Variants in MYO16 observed in about 807,000 individuals in gnomAD.
The protein encoded by MYO16 is unconventional myosin-XVI.
MYO16 carries 94 observed loss-of-function variants against 205.3 expected under a neutral mutation model. The observed-to-expected ratio is 0.46, with a 90% CI of 0.39 to 0.54. The LOEUF is 0.54. Ranked by LOEUF, MYO16 falls within the 20% of genes least tolerant of loss-of-function variation. The pLI, the probability that MYO16 is intolerant of heterozygous loss-of-function variation, is 0.00. For synonymous variants in MYO16, 988 were observed against 954.0 expected (o/e 1.04, Z -0.66); for missense variants, 2,315 against 2,387.5 (o/e 0.97, Z 0.63).
intron 6 of MYO16, among the ~76,000 whole-genome samples, chr13:108,802,862 T>A (rs1887006759): frequency 6.6e-6 from 1 of 152,210 alleles, no homozygotes; most frequent in Non-Finnish European, 1.5e-5. Flanking sequence ...TAGCCAATTG[T>A]ATATCTTCTT....
the MYO16 span, among the ~76,000 whole-genome samples, chr13:108,508,649 C>T: frequency 6.6e-6 from 1 of 152,134 alleles, no homozygotes; most frequent in South Asian, 2.1e-4. Flanking sequence ...GAGAGAGAAG[C>T]TATGAGTTGA....
the MYO16 span, among the ~76,000 whole-genome samples, chr13:108,579,529 C>T: frequency 2.0e-5 from 3 of 151,532 alleles, no homozygotes; most frequent in Admixed American, 6.6e-5. Context: ...CAACCTCTGC[C>T]TTCCGGGTTC....
intron 20 of MYO16, among the ~76,000 whole-genome samples, chr13:108,980,104 A>AT (rs1227090904): frequency 1.3e-5 from 2 of 152,262 alleles, no homozygotes; most frequent in East Asian, 3.9e-4. Context: ...AGAATATGTC[A>AT]TTTTTTATAT....
chr13:109,024,338 G>A (rs768939222), intron 23 of MYO16, among the ~76,000 whole-genome samples: 7 of 151,848 alleles, frequency 4.6e-5, no homozygotes, highest in African/African-American at 9.7e-5. Flanking sequence ...GACTGTAAGC[G>A]GATATGTACT....
rs561166160 is a variant in MYO16 at position 109,140,423 on chromosome 13, C to T, written c.4211C>T (p.Ala1404Val). ...GCGAGGCCCGCGGGCGCCCCGGGGG[C>T]AGCAGCGCGCGTTCTGACCCCCGGG... is the stretch of plus-strand genomic sequence containing the variant. ...GDARPAGAPG[A>V]AARVLTPGTP... Residue 1404 changes from alanine to valine, a missense_variant, in exon 32 of 35, where the codon GCA (alanine) becomes GTA (valine). This residue lies in a region of MYO16 where 1,097 missense variants were observed against 1,092.0 expected (regional missense o/e 1.00). Transcript: ENST00000457511. This position sits in a 1 kb window ranked among gnomAD's most constrained non-coding sequence, Gnocchi z 8.0. 500 of 1,567,198 alleles carry T rather than the reference C, an allele frequency of 3.2e-4. 3 individuals are homozygous for T. The Middle Eastern group carries it at 9.2e-3, about 29-fold the overall frequency.
rs533798628 is a variant in MYO16, at chr13:109,131,525, AC to A, written c.4051+3976del. Among the ~76,000 whole-genome samples the A allele has an allele frequency of 2.0e-3, 304 of 152,222 alleles. 2 individuals carry two copies. Among genetic ancestry groups the A allele is most frequent in the African/African-American group, 7.1e-3 (293 of 41,522 alleles). ...GCAAACTACCAGCAAGCTAGAGACA[AC>A]TTTTTTTTTTATTATACTTTAAGTT... is the stretch of plus-strand genomic sequence containing the variant. On this transcript the variant is annotated intron_variant, in intron 31 of 34. Coordinates refer to ENST00000457511, the MANE Select transcript of MYO16 (RefSeq NM_001198950.3).
intron 2 of MYO16, among the ~76,000 whole-genome samples, chr13:108,685,633 T>C (rs1882647806): frequency 6.6e-6 from 1 of 152,182 alleles, no homozygotes; most frequent in African/African-American, 2.4e-5. Flanking sequence ...CGTTCTGGTG[T>C]GATCCTGCTG....
At chr13:108,577,389 T>C in the MYO16 span, among the ~76,000 whole-genome samples, 1 of 152,186 alleles carries the variant, frequency 6.6e-6, no homozygotes, top group African/African-American at 2.4e-5. Flanking sequence ...TACCATGTTG[T>C]TGTGTGCATA....
chr13:108,537,070 C>T, the MYO16 span, among the ~76,000 whole-genome samples: 1 of 152,088 alleles, frequency 6.6e-6, no homozygotes, highest in East Asian at 1.9e-4. Flanking sequence ...TACCCATGAA[C>T]TGAATAATGA....
At position 109,206,920 on chromosome 13, in the gene MYO16, C is replaced by T; in HGVS notation, c.*84C>T. 2.5e-6 allele frequency: 3 copies of T among 1,214,310 alleles called. No individual in the cohort carries two copies. The highest frequency in any genetic ancestry group is 1.5e-5 in the African/African-American group (1 of 66,158). 75.2% of individuals were successfully genotyped at this position (1,214,310 alleles called of 1,614,324 possible). On this transcript the variant is annotated 3_prime_UTR_variant, in exon 35 of 35. Transcript: ENST00000457511. ...ACAGAAGGCTGCCTTCTGACATGCGCTGGGGCTTCTCTCCACGCATTTAGA... is the reference window on the plus strand; with the variant it reads ...ACAGAAGGCTGCCTTCTGACATGCGTTGGGGCTTCTCTCCACGCATTTAGA...
At chr13:109,156,653 G>T (rs1459455140) in intron 32 of MYO16, among the ~76,000 whole-genome samples, 1 of 152,132 alleles carries the variant, frequency 6.6e-6, no homozygotes. Context: ...AACATTCCAT[G>T]GCTCCTTTCT....
intron 16 of MYO16, among the ~76,000 whole-genome samples, chr13:108,912,577 C>T (rs1312275789): frequency 1.3e-5 from 2 of 151,906 alleles, no homozygotes; most frequent in Non-Finnish European, 2.9e-5. Context: ...CAAGTGAATA[C>T]CTTTTATGCA....
chr13:108,542,489 T>A, the MYO16 span, among the ~76,000 whole-genome samples: 512 of 152,296 alleles, frequency 3.4e-3, 5 homozygotes, highest in African/African-American at 0.012. Flanking sequence ...AAATATTTTT[T>A]AAAAATAAAT....
intron 3 of MYO16, among the ~76,000 whole-genome samples, chr13:108,720,305 T>C (rs954002581): frequency 5.3e-5 from 8 of 152,170 alleles, no homozygotes; most frequent in Non-Finnish European, 8.8e-5. Flanking sequence ...TGCTGTTGAA[T>C]AAAAACAAGC....
chr13:108,886,545 T>G, intron 13 of MYO16: 6 of 454,974 alleles, frequency 1.3e-5, no homozygotes, highest in South Asian at 9.3e-5. Context: ...TGCCCCCTTC[T>G]CAGTTGAATA....
chr13:108,774,202 T>C (rs1430083346), intron 4 of MYO16, among the ~76,000 whole-genome samples: 4 of 152,250 alleles, frequency 2.6e-5, no homozygotes, highest in Non-Finnish European at 5.9e-5. Flanking sequence ...GGAGATTAAA[T>C]TGTTATATAA....
intron 24 of MYO16, among the ~76,000 whole-genome samples, chr13:109,051,785 T>C (rs1887255172): frequency 6.6e-6 from 1 of 152,230 alleles, no homozygotes; most frequent in African/African-American, 2.4e-5. Context: ...TTTTGTTTTT[T>C]AAATAAAAGG....
chr13:108,621,241 G>T (rs1442286804), intron 1 of MYO16, among the ~76,000 whole-genome samples: 1 of 152,096 alleles, frequency 6.6e-6, no homozygotes, highest in Non-Finnish European at 1.5e-5. Context: ...AAGCTCCACA[G>T]GGTAGGGTCT....
chr13:109,206,712 T>A lies in MYO16; in HGVS notation c.5519T>A (p.Ile1840Asn). ...LCEEGQDWQQ[I>N]LHHAEPRVPP... is the part of the protein sequence containing the mutation. ...GAGGAAGGACAAGACTGGCAGCAGA[T>A]CCTGCACCACGCTGAGCCCAGGGTG... is the stretch of plus-strand genomic sequence containing the variant. Residue 1840 changes from isoleucine (I) to asparagine (N), a missense_variant, in exon 35 of 35, where the codon ATC becomes AAC. Ile to Asn is a moderately radical substitution (Grantham distance 149). This residue lies in a region of MYO16 where 1,097 missense variants were observed against 1,092.0 expected (regional missense o/e 1.00). Coordinates refer to ENST00000457511, the MANE Select transcript of MYO16 (RefSeq NM_001198950.3). The A allele has an allele frequency of 1.2e-6, 2 of 1,614,140 alleles. No individual in the cohort carries two copies.
Sources: gnomAD v4.1 joint callset for allele counts (sites outside exome capture counted in the v4.1 genomes callset) on GRCh38, gnomAD v4.1.1 for gene constraint, gnomAD v4.1.1 regional missense constraint, Gnocchi (gnomAD v3.1) non-coding constraint, MANE v1.5 for transcripts, NCBI Gene and HGNC (gene_info 2026-07-23, HGNC 2026-07-21) for gene names.